The following ADAM19 variants were observed in gnomAD, a reference collection of about 807,000 sequenced individuals.
ADAM19 encodes the protein disintegrin and metalloproteinase domain-containing protein 19.
A neutral mutation model predicts 114.7 loss-of-function variants in ADAM19; 65 were observed. That is an observed-to-expected ratio of 0.57 (90% CI 0.46 to 0.70). The LOEUF is 0.70. Among genes scored for constraint, ADAM19 ranks in the 30% least tolerant of loss-of-function variants. The probability of loss-of-function intolerance (pLI) is 0.00; values close to 1 mark genes in which losing one functional copy is unlikely to be tolerated. For missense variants in ADAM19, 1,063 were observed against 1,204.7 expected, an observed-to-expected ratio of 0.88 and a Z score of 1.74; for synonymous variants, 466 against 460.5, an observed-to-expected ratio of 1.01 and a Z score of -0.15.
intron 2 of ADAM19, chr5:157,566,685 G>C (rs1757672617): frequency 6.6e-6 from 1 of 152,144 alleles, no homozygotes; most frequent in African/African-American, 2.4e-5. Context: ...TTGGGACTAA[G>C]GAACTGACAA....
intron 21 of ADAM19, among the ~76,000 whole-genome samples, chr5:157,484,405 T>C (rs1754863063): frequency 6.6e-6 from 1 of 152,132 alleles, no homozygotes; most frequent in South Asian, 2.1e-4. Context: ...AGTTGATCCA[T>C]TGTTTTTTAA....
At chr5:157,482,652 A>C (rs1754792800) in intron 21 of ADAM19, among the ~76,000 whole-genome samples, 1 of 152,186 alleles carries the variant, frequency 6.6e-6, no homozygotes, top group South Asian at 2.1e-4. Context: ...CCATTATTAA[A>C]TAGGGAGGAT....
At chr5:157,499,505 C>T (rs1581303139) in intron 13 of ADAM19, 68 bp downstream of exon 13, 2 of 1,378,352 alleles carry the variant, frequency 1.5e-6, no homozygotes, top group Admixed American at 1.8e-5. Flanking sequence ...GCCATCCACC[C>T]CAGCAGAGCA....
chr5:157,564,647 C>T (rs1271739425), intron 2 of ADAM19, among the ~76,000 whole-genome samples: 2 of 152,172 alleles, frequency 1.3e-5, no homozygotes, highest in Non-Finnish European at 2.9e-5. Context: ...TCCTGAAAGG[C>T]ATAGAGAAGA....
At chr5:157,515,839 C>T (rs574821800) in intron 7 of ADAM19, among the ~76,000 whole-genome samples, 14 of 152,280 alleles carry the variant, frequency 9.2e-5, no homozygotes, top group African/African-American at 3.4e-4. Context: ...TCTTTATCCC[C>T]ACCTGGATTC....
intron 3 of ADAM19, among the ~76,000 whole-genome samples, chr5:157,541,504 G>A (rs1756917180): frequency 6.6e-6 from 1 of 152,184 alleles, no homozygotes; most frequent in Non-Finnish European, 1.5e-5. Flanking sequence ...CACTAGAGTT[G>A]AGCAAAATCT....
Position 157,559,698 on chromosome 5 carries a change from T to C in ADAM19, c.251+4675A>G, listed in dbSNP as rs544730824. On this transcript the variant is annotated intron_variant, in intron 3 of 22. Coordinates refer to ENST00000257527, the MANE Select transcript of ADAM19 (RefSeq NM_033274.5). ...GTCTCAGGACATGGGGAAAAGAACA[T>C]AGAGAAAAAATATGGATTAATGCTC... is the stretch of plus-strand genomic sequence containing the variant. Among the ~76,000 whole-genome samples, 6 of 149,580 alleles carry C rather than the reference T, an allele frequency of 4.0e-5. No homozygotes were observed. The South Asian group carries it at 8.8e-4, about 22-fold the overall frequency.
chr5:157,486,879 G>T (rs1211415657), intron 21 of ADAM19, among the ~76,000 whole-genome samples: 1 of 152,126 alleles, frequency 6.6e-6, no homozygotes, highest in Non-Finnish European at 1.5e-5. Flanking sequence ...TTAAAGAGGT[G>T]ATTAGGATAG....
intron 9 of ADAM19, among the ~76,000 whole-genome samples, chr5:157,507,588 C>A (rs1561535465): frequency 6.6e-6 from 1 of 152,188 alleles, no homozygotes; most frequent in Non-Finnish European, 1.5e-5. Flanking sequence ...TGGTGTGAGT[C>A]CCACAGGGTA....
At chr5:157,535,514 G>C (rs1581336506) in intron 4 of ADAM19, among the ~76,000 whole-genome samples, 1 of 152,216 alleles carries the variant, frequency 6.6e-6, no homozygotes, top group African/African-American at 2.4e-5. Context: ...TGGGAGCTTT[G>C]CAAGAGTCTA....
In ADAM19 at chr5:157,562,582, G is replaced by T. The variant is rs1581357035; in HGVS notation, c.251+1791C>A. Among the ~76,000 whole-genome samples the T allele has an allele frequency of 2.0e-5, 3 of 152,120 alleles. No homozygotes were observed. In the South Asian group the frequency reaches 6.2e-4, roughly 32 times the overall value. On this transcript the variant is annotated intron_variant, in intron 3 of 22. Coordinates refer to ENST00000257527, the MANE Select transcript of ADAM19 (RefSeq NM_033274.5). Reference sequence around the variant, plus strand: ...GGACACCGAAGTTCCAAAAGATTCAGCCATTTGCCCTGGGTCACATTCTGT... The same window carrying T: ...GGACACCGAAGTTCCAAAAGATTCATCCATTTGCCCTGGGTCACATTCTGT...
At chr5:157,534,232 C>G (rs1273618277) in intron 4 of ADAM19, among the ~76,000 whole-genome samples, 1 of 152,108 alleles carries the variant, frequency 6.6e-6, no homozygotes, top group African/African-American at 2.4e-5. Flanking sequence ...CTTTGGGAGG[C>G]CGAGGCAGGC....
At chr5:157,495,718 C>T (rs921633161) in intron 14 of ADAM19, among the ~76,000 whole-genome samples, 9 of 152,152 alleles carry the variant, frequency 5.9e-5, no homozygotes, top group Non-Finnish European at 1.3e-4. Flanking sequence ...ACTGCAACCT[C>T]TGCCTCCCAG....
At chr5:157,538,035 C>T (rs1756812913) in intron 3 of ADAM19, 44 bp from the exon 4 acceptor site, 1 of 1,467,144 alleles carries the variant, frequency 6.8e-7, no homozygotes, top group East Asian at 2.3e-5. Flanking sequence ...AGTGGATGAA[C>T]TCCACCCTCC....
intron 5 of ADAM19, among the ~76,000 whole-genome samples, chr5:157,528,672 C>A (rs1185881426): frequency 6.6e-6 from 1 of 152,146 alleles, no homozygotes; most frequent in Non-Finnish European, 1.5e-5. Context: ...TATAAACAGA[C>A]ACTTGGGACC....
At chr5:157,538,986 G>A (rs1263535941) in intron 3 of ADAM19, among the ~76,000 whole-genome samples, 2 of 151,944 alleles carry the variant, frequency 1.3e-5, no homozygotes, top group South Asian at 2.1e-4. Flanking sequence ...TTAACATGGT[G>A]AAACCCCATC....
intron 11 of ADAM19, among the ~76,000 whole-genome samples, chr5:157,503,620 G>A (rs186166326): frequency 1.3e-5 from 2 of 152,208 alleles, no homozygotes; most frequent in Non-Finnish European, 2.9e-5. Flanking sequence ...CATTGCATGA[G>A]GGGGCTGCGA....
chr5:157,533,656 T>G (rs917839656), intron 4 of ADAM19, among the ~76,000 whole-genome samples: 2 of 151,980 alleles, frequency 1.3e-5, no homozygotes, highest in Non-Finnish European at 2.9e-5. Context: ...AGCTACAGTT[T>G]CAAAACGCTG....
At chr5:157,516,566 G>T (rs576812465) in intron 7 of ADAM19, among the ~76,000 whole-genome samples, 1 of 152,280 alleles carries the variant, frequency 6.6e-6, no homozygotes, top group Non-Finnish European at 1.5e-5. Flanking sequence ...ACAATGCAAG[G>T]CCAAAGGGGA....
Sources: allele counts gnomAD v4.1 joint callset (sites outside exome capture counted in the v4.1 genomes callset), GRCh38; gene constraint gnomAD v4.1.1; transcripts MANE v1.5; gene names NCBI Gene and HGNC (gene_info 2026-07-23, HGNC 2026-07-21).